Variants in KLF8 observed in about 807,000 individuals in gnomAD.
KLF8 encodes KLF transcription factor 8.
A neutral mutation model predicts 18.2 loss-of-function variants in KLF8; 10 were observed. That is an observed-to-expected ratio of 0.55 (90% CI 0.34 to 0.93). The LOEUF (loss-of-function observed/expected upper bound fraction) is 0.93. Among genes scored for constraint, KLF8 ranks in the 40% least tolerant of loss-of-function variants. KLF8 has a pLI of 0.02. For missense variants in KLF8, 264 were observed against 277.9 expected (o/e 0.95, Z 0.36); for synonymous variants, 109 against 97.3 (o/e 1.12, Z -0.71).
chrX:56,040,206 A>G, the KLF8 span, among the ~76,000 whole-genome samples: 3 of 111,606 alleles, frequency 2.7e-5, no homozygotes, highest in Non-Finnish European at 3.8e-5. Flanking sequence ...TCCAATTTGT[A>G]TACCCTTTAT....
At chrX:56,138,695 C>T in the KLF8 span, among the ~76,000 whole-genome samples, 1 of 111,425 alleles carries the variant, frequency 9.0e-6, no homozygotes, top group South Asian at 3.7e-4. Flanking sequence ...CTCTGACAGA[C>T]CCACAGCCAA....
the KLF8 span, among the ~76,000 whole-genome samples, chrX:56,079,758 T>C: frequency 9.0e-6 from 1 of 110,576 alleles, no homozygotes; most frequent in Admixed American, 9.6e-5. Flanking sequence ...TGTTAAAGTC[T>C]CCCATTATTA....
the KLF8 span, among the ~76,000 whole-genome samples, chrX:55,978,070 T>C: frequency 6.3e-5 from 7 of 110,635 alleles, no homozygotes; most frequent in Admixed American, 6.8e-4. Flanking sequence ...TCTCTCTATA[T>C]ATATATAGAT....
At chrX:56,036,152 T>C in the KLF8 span, among the ~76,000 whole-genome samples, 1 of 111,659 alleles carries the variant, frequency 9.0e-6, no homozygotes, top group South Asian at 3.7e-4. Context: ...GGGTACATAG[T>C]AGTATTTTGA....
chrX:55,917,704 G>T, the KLF8 span, among the ~76,000 whole-genome samples: 3 of 111,512 alleles, frequency 2.7e-5, no homozygotes, highest in Non-Finnish European at 3.8e-5. Flanking sequence ...TCAAGCAAAA[G>T]AGCTTTTTCT....
At chrX:55,976,136 A>T in the KLF8 span, among the ~76,000 whole-genome samples, 3 of 112,103 alleles carry the variant, frequency 2.7e-5, no homozygotes, top group Non-Finnish European at 5.6e-5. Flanking sequence ...ATGTATTCAT[A>T]TTTTCATATA....
chrX:55,994,006 G>A, the KLF8 span, among the ~76,000 whole-genome samples: 3 of 107,741 alleles, frequency 2.8e-5, no homozygotes, highest in Non-Finnish European at 5.8e-5. Context: ...CGCCTCCCGG[G>A]TTCAAGAGAT....
the KLF8 span, among the ~76,000 whole-genome samples, chrX:56,185,837 C>T: frequency 9.0e-6 from 1 of 111,585 alleles, no homozygotes; most frequent in African/African-American, 3.3e-5. Flanking sequence ...GAGATTTTGT[C>T]ACCACCAGGC....
At chrX:56,183,816 G>T in the KLF8 span, among the ~76,000 whole-genome samples, 1 of 111,755 alleles carries the variant, frequency 8.9e-6, no homozygotes, top group African/African-American at 3.3e-5. Context: ...AATATTTATT[G>T]TAAGTGAACG....
chrX:56,289,698 T>G lies in KLF8; in HGVS notation c.*5204T>G, dbSNP rs948243748. 2.3e-4 allele frequency among the ~76,000 whole-genome samples: 26 copies of G among 111,701 alleles called. No homozygotes were observed. Among genetic ancestry groups the G allele is most frequent in the African/African-American group, 8.4e-4 (26 of 30,778 alleles). On this transcript the variant is annotated 3_prime_UTR_variant, in exon 6 of 6. Transcript: ENST00000468660. Reference sequence around the variant, plus strand: ...AACCTCTGTCATCTATTTACTTAATTTTTCAAATTCAGTGTGCACATATAG... The same window carrying G: ...AACCTCTGTCATCTATTTACTTAATGTTTCAAATTCAGTGTGCACATATAG...
chrX:55,969,915 G>A, the KLF8 span, among the ~76,000 whole-genome samples: 18 of 111,149 alleles, frequency 1.6e-4, no homozygotes, highest in Non-Finnish European at 1.1e-4. Flanking sequence ...CCAGTAATAA[G>A]TAATGAGATC....
the KLF8 span, among the ~76,000 whole-genome samples, chrX:56,070,857 T>C: frequency 1.8e-5 from 2 of 112,628 alleles, no homozygotes; most frequent in Non-Finnish European, 3.8e-5. Flanking sequence ...GCTAAGTAAA[T>C]ATAAGGTAGT....
chrX:56,122,613 G>A, the KLF8 span, among the ~76,000 whole-genome samples: 3 of 111,053 alleles, frequency 2.7e-5, no homozygotes, highest in Non-Finnish European at 5.7e-5. Context: ...TTTTAAATAA[G>A]GGGGAGAAAA....
the KLF8 span, among the ~76,000 whole-genome samples, chrX:55,911,370 A>C: frequency 8.9e-6 from 1 of 112,187 alleles, no homozygotes; most frequent in South Asian, 3.7e-4. Context: ...AAGTCTCTTC[A>C]ATGTACTTCA....
chrX:56,187,556 CA>C, the KLF8 span, among the ~76,000 whole-genome samples: 1 of 111,570 alleles, frequency 9.0e-6, no homozygotes. Context: ...CAAAGCCGGG[CA>C]GAGACACAAC....
upstream of KLF8, among the ~76,000 whole-genome samples, chrX:56,227,445 G>A (rs765996862): frequency 9.1e-6 from 1 of 110,109 alleles, no homozygotes; most frequent in East Asian, 2.9e-4. Flanking sequence ...CCGCCTCCCG[G>A]GTTCAAGCAA....
the KLF8 span, among the ~76,000 whole-genome samples, chrX:56,058,759 C>A: frequency 1.8e-5 from 2 of 111,172 alleles, no homozygotes; most frequent in African/African-American, 6.6e-5. Flanking sequence ...CATTGATGGG[C>A]ATTTGGGTTG....
At chrX:55,943,607 A>G in the KLF8 span, among the ~76,000 whole-genome samples, 1 of 111,816 alleles carries the variant, frequency 8.9e-6, no homozygotes, top group Non-Finnish European at 1.9e-5. Context: ...TGAAGAAGGC[A>G]TGGGCTTTGG....
chrX:56,001,898 A>G, the KLF8 span, among the ~76,000 whole-genome samples: 1 of 112,039 alleles, frequency 8.9e-6, no homozygotes, highest in Non-Finnish European at 1.9e-5. Context: ...AGCCAGTGCA[A>G]TCTTTTCAAA....
Sources: gnomAD v4.1 joint callset for allele counts (sites outside exome capture counted in the v4.1 genomes callset) on GRCh38, gnomAD v4.1.1 for gene constraint, MANE v1.5 for transcripts, NCBI Gene and HGNC (gene_info 2026-07-23, HGNC 2026-07-21) for gene names.